The following DEAF1 variants were observed in gnomAD, a reference collection of about 807,000 sequenced individuals.
DEAF1 encodes DEAF1 transcription factor.
DEAF1 carries 53 observed loss-of-function variants against 58.9 expected under a neutral mutation model. That is an observed-to-expected ratio of 0.90 (90% CI 0.72 to 1.13). The LOEUF (loss-of-function observed/expected upper bound fraction) is 1.13. Ranked by LOEUF, DEAF1 falls within the 50% of genes most tolerant of loss-of-function variation. The pLI is 0.00. For missense variants in DEAF1, 685 were observed against 791.4 expected (o/e 0.87, Z 1.61); for synonymous variants, 385 against 340.4 (o/e 1.13, Z -1.44).
upstream of DEAF1, chr11:699,256 C>G: frequency 3.4e-6 from 1 of 296,636 alleles, no homozygotes. Flanking sequence ...ACAGAGCCTT[C>G]CTCTCACCCA....
chr11:654,398 C>T (rs1858946638), intron 10 of DEAF1, among the ~76,000 whole-genome samples: 1 of 150,970 alleles, frequency 6.6e-6, no homozygotes, highest in Non-Finnish European at 1.5e-5. Context: ...AACCTCTGAC[C>T]TCGTGATCCA....
chr11:680,095 CAT>C (rs1860282502), intron 7 of DEAF1: 3 of 503,340 alleles, frequency 6.0e-6, no homozygotes, highest in African/African-American at 3.8e-5. Context: ...AGAAAACAAA[CAT>C]AAAATAAAAC....
chr11:703,953 T>G, intron 1 of DEAF1: 1 of 1,240,554 alleles, frequency 8.1e-7, no homozygotes, highest in Middle Eastern at 3.1e-4. Context: ...TGTGTTTTTT[T>G]CCCATTCCCA....
At chr11:690,002 T>C (rs1364095287) in intron 2 of DEAF1, among the ~76,000 whole-genome samples, 2 of 151,626 alleles carry the variant, frequency 1.3e-5, no homozygotes, top group Non-Finnish European at 2.9e-5. Context: ...ATGGGTCAGC[T>C]TGTGTGTGTT....
intron 10 of DEAF1, among the ~76,000 whole-genome samples, chr11:657,747 C>T (rs1223385728): frequency 6.6e-6 from 1 of 152,138 alleles, no homozygotes; most frequent in East Asian, 1.9e-4. Flanking sequence ...TCCACCCCCA[C>T]GAGAAAGCAC....
chr11:680,080 C>T (rs1860281566), intron 7 of DEAF1: 3 of 536,554 alleles, frequency 5.6e-6, no homozygotes, highest in Admixed American at 3.2e-5. Flanking sequence ...ATGTGCTGCC[C>T]AGCCAGAAAA....
chr11:696,098 G>A (rs1027095693), upstream of DEAF1, among the ~76,000 whole-genome samples: 4 of 152,082 alleles, frequency 2.6e-5, no homozygotes, highest in African/African-American at 9.7e-5. Flanking sequence ...GAGCGGCTCT[G>A]GGGGCCCCAG....
At chr11:659,589 G>A (rs1456850906) in intron 10 of DEAF1, among the ~76,000 whole-genome samples, 1 of 152,170 alleles carries the variant, frequency 6.6e-6, no homozygotes, top group Non-Finnish European at 1.5e-5. Flanking sequence ...AACCAAATGG[G>A]GCCACAGGCC....
Position 644,683 on chromosome 11 carries a change from A to G in DEAF1, c.1594-29T>C. Reference sequence around the variant, plus strand: ...GAAGGGAGGACACACCCATGTCAGCAGGGTCAGTGGGTGGAGCAGGGTCTG... The same window carrying G: ...GAAGGGAGGACACACCCATGTCAGCGGGGTCAGTGGGTGGAGCAGGGTCTG... On this transcript the variant is annotated intron_variant, in intron 11 of 11. Transcript: ENST00000382409. This position sits in a 1 kb window ranked among gnomAD's most constrained non-coding sequence, Gnocchi z 4.3. 6.4e-7 allele frequency: 1 copy of G among 1,560,670 alleles called. No homozygotes were observed. The highest frequency in any genetic ancestry group is 8.7e-7 in the Non-Finnish European group (1 of 1,146,622).
chr11:677,482 A>G (rs1186903430), intron 9 of DEAF1, among the ~76,000 whole-genome samples: 1 of 105,884 alleles, frequency 9.4e-6, no homozygotes, highest in African/African-American at 2.9e-5. Flanking sequence ...TTAAAGATGG[A>G]AAGAGTTTAG....
chr11:646,252 C>CAAAAAAAAAAA (rs397761163), intron 11 of DEAF1: 2 of 81,180 alleles, frequency 2.5e-5, no homozygotes, highest in African/African-American at 5.1e-5. Flanking sequence ...GACTACGTCT[C>CAAAAAAAAAAA]AAAAAAAAAA....
chr11:653,853 A>T (rs1858913264), intron 11 of DEAF1, 109 bp downstream of exon 11: 2 of 935,440 alleles, frequency 2.1e-6, no homozygotes, highest in African/African-American at 3.3e-5. Flanking sequence ...AGGGACAGGG[A>T]GGGGAGTCAG....
chr11:686,972 C>T lies in DEAF1; in HGVS notation c.690G>A (p.Gln230=). 1.2e-6 allele frequency: 2 copies of T among 1,614,210 alleles called. No homozygotes were observed. Residue 230 remains glutamine (Q), a synonymous_variant, in exon 5 of 12, where the codon CAG becomes CAA. Coordinates refer to ENST00000382409, the MANE Select transcript of DEAF1 (RefSeq NM_021008.4). ...CGGTGGGACTGTACCAGTTCTCCCC[C>T]TGCTTGATGCACCGTCCCCGGCCGC... The part of the protein sequence containing the change: ...GSGGRGRCIK[Q]GENWYSPTEF...
intron 10 of DEAF1, among the ~76,000 whole-genome samples, chr11:664,224 GAAAAAGAAA>G (rs1459661926): frequency 2.2e-5 from 3 of 135,794 alleles, no homozygotes; most frequent in African/African-American, 8.2e-5. Flanking sequence ...AAGAAAAAAA[GAAAAAGAAA>G]AAAAAGAAAA....
chr11:666,941 G>A (rs1457763675), intron 10 of DEAF1, among the ~76,000 whole-genome samples: 1 of 151,730 alleles, frequency 6.6e-6, no homozygotes, highest in African/African-American at 2.4e-5. Flanking sequence ...GTTCATGCTG[G>A]TAATCCCAGT....
At chr11:683,594 T>C (rs1268637225) in intron 6 of DEAF1, among the ~76,000 whole-genome samples, 1 of 152,098 alleles carries the variant, frequency 6.6e-6, no homozygotes, top group Admixed American at 6.5e-5. Context: ...TTCAAAACTG[T>C]TTTGGCTTTT....
intron 10 of DEAF1, among the ~76,000 whole-genome samples, chr11:667,083 C>T (rs1167939763): frequency 1.3e-5 from 2 of 151,732 alleles, no homozygotes; most frequent in African/African-American, 4.8e-5. Context: ...ATGTGTAGTC[C>T]CAGCTACTCA....
At chr11:647,369 C>T (rs1489255225) in intron 11 of DEAF1, among the ~76,000 whole-genome samples, 1 of 151,950 alleles carries the variant, frequency 6.6e-6, no homozygotes, top group African/African-American at 2.4e-5. Flanking sequence ...GCAGGAGAAT[C>T]GCTTGAACCT....
intron 9 of DEAF1, among the ~76,000 whole-genome samples, chr11:676,802 C>T (rs1313337639): frequency 1.3e-5 from 2 of 152,204 alleles, no homozygotes; most frequent in East Asian, 3.9e-4. Context: ...CCACGCCCAG[C>T]GGGGTTTCTT....
Sources: allele counts gnomAD v4.1 joint callset (sites outside exome capture counted in the v4.1 genomes callset), GRCh38; gene constraint gnomAD v4.1.1; non-coding constraint Gnocchi (gnomAD v3.1); transcripts MANE v1.5; gene names NCBI Gene and HGNC (gene_info 2026-07-23, HGNC 2026-07-21).